SCARA3: variants seen among roughly 807,000 people sequenced by gnomAD.
SCARA3 encodes cellular stress response gene protein.
SCARA3 carries 39 observed loss-of-function variants against 47.0 expected under a neutral mutation model. The observed-to-expected ratio is 0.83, with a 90% CI of 0.64 to 1.08. SCARA3 has a LOEUF of 1.08. SCARA3 is among the 50% of genes least tolerant of loss of function. The pLI, the probability that SCARA3 is intolerant of heterozygous loss-of-function variation, is 0.00. For synonymous variants in SCARA3, 356 were observed against 334.1 expected, an observed-to-expected ratio of 1.07 and a Z score of -0.71; for missense variants, 724 against 792.3, an observed-to-expected ratio of 0.91 and a Z score of 1.04.
Position 27,658,980 on chromosome 8 carries a change from C to A in SCARA3, c.810C>A (p.Thr270=). The A allele has an allele frequency of 6.2e-7, 1 of 1,614,162 alleles. No homozygotes were observed. Among genetic ancestry groups the A allele is most frequent in the Non-Finnish European group, 8.5e-7 (1 of 1,180,032 alleles). The stretch of plus-strand genomic sequence containing the variant: ...TCAGCGGCCTGCGCACCACCTCCAC[C>A]AAGACTGGAGAGGCGGTCAAGAACA... ...RLFSGLRTTS[T]KTGEAVKNIQ... Residue 270 remains threonine, a synonymous_variant, in exon 5 of 6, where the codon ACC becomes ACA. Coordinates refer to ENST00000301904, the MANE Select transcript of SCARA3 (RefSeq NM_016240.3).
chr8:27,709,954 AAG>A, the SCARA3 span, among the ~76,000 whole-genome samples: 1 of 152,172 alleles, frequency 6.6e-6, no homozygotes, highest in Non-Finnish European at 1.5e-5. Context: ...CAGAAAATCA[AAG>A]AGAGACGCTG....
the SCARA3 span, among the ~76,000 whole-genome samples, chr8:27,715,176 T>G: frequency 1.3e-5 from 2 of 152,208 alleles, no homozygotes; most frequent in African/African-American, 2.4e-5. This position sits in a 1 kb window ranked among gnomAD's most constrained non-coding sequence, Gnocchi z 4.2. Flanking sequence ...TCCTCCCATC[T>G]TGGCCTCCCA....
chr8:27,710,242 A>C, the SCARA3 span, among the ~76,000 whole-genome samples: 1 of 152,056 alleles, frequency 6.6e-6, no homozygotes, highest in Non-Finnish European at 1.5e-5. Flanking sequence ...AAAAAAAAAA[A>C]AAAAAAAGGA....
the SCARA3 span, among the ~76,000 whole-genome samples, chr8:27,715,824 T>TAGATAGATA: frequency 5.0e-5 from 6 of 118,958 alleles, no homozygotes; most frequent in East Asian, 1.4e-3. The surrounding 1 kb of genome is among the most constrained non-coding windows in gnomAD (Gnocchi z 4.2). Flanking sequence ...GATAGATAGA[T>TAGATAGATA]GATAGATAGA....
chr8:27,676,416 G>A (rs984793196), downstream of SCARA3, among the ~76,000 whole-genome samples: 5 of 152,166 alleles, frequency 3.3e-5, no homozygotes, highest in African/African-American at 1.2e-4. Flanking sequence ...CTTCTCAAAG[G>A]AAGCCAGGTG....
At chr8:27,713,735 G>A in the SCARA3 span, among the ~76,000 whole-genome samples, 1 of 152,136 alleles carries the variant, frequency 6.6e-6, no homozygotes, top group Non-Finnish European at 1.5e-5. Context: ...TACTTTGCCT[G>A]CCCCAGCTGT....
At chr8:27,651,762 G>T in intron 3 of SCARA3, 135 bp downstream of exon 3, 2 of 1,224,762 alleles carry the variant, frequency 1.6e-6, no homozygotes, top group Admixed American at 4.6e-5. Flanking sequence ...CCTGGCTAGG[G>T]GATCTCTATG....
chr8:27,711,445 C>T, the SCARA3 span, among the ~76,000 whole-genome samples: 1 of 152,296 alleles, frequency 6.6e-6, no homozygotes, highest in Non-Finnish European at 1.5e-5. Flanking sequence ...TTCCTCTGAA[C>T]CAACCTCAGT....
chr8:27,671,430 TA>T lies in SCARA3; in HGVS notation c.*80del. On this transcript the variant is annotated 3_prime_UTR_variant, in exon 6 of 6. Transcript: ENST00000301904. ...GATCCAGGCCCCAGAAAGCCTCACC[TA>T]CAGACAGCTGTGGTCCTCTGATTCC... The T allele has an allele frequency of 3.0e-6, 4 of 1,335,046 alleles. No homozygotes were observed. Among genetic ancestry groups the T allele is most frequent in the Non-Finnish European group, 3.8e-6 (4 of 1,048,550 alleles). The allele number at this position is 1,335,046 out of a possible 1,614,324, so 82.7% of individuals were successfully genotyped here.
chr8:27,683,246 G>A, the SCARA3 span, among the ~76,000 whole-genome samples: 387 of 152,180 alleles, frequency 2.5e-3, 5 homozygotes, highest in East Asian at 0.022. Flanking sequence ...CCAATATAGC[G>A]TGGTAGAAAT....
At chr8:27,654,222 T>C (rs1265493589) in intron 3 of SCARA3, among the ~76,000 whole-genome samples, 1 of 152,216 alleles carries the variant, frequency 6.6e-6, no homozygotes, top group African/African-American at 2.4e-5. Context: ...AGGTCTTCAC[T>C]GTACAAGTCC....
At chr8:27,723,990 C>A in the SCARA3 span, among the ~76,000 whole-genome samples, 2 of 152,182 alleles carry the variant, frequency 1.3e-5, no homozygotes, top group African/African-American at 4.8e-5. Flanking sequence ...CCCGCCTCAG[C>A]CTCTCGAAGT....
At chr8:27,633,645 G>A (rs769756779), upstream of SCARA3, among the ~76,000 whole-genome samples, 138 of 152,266 alleles carry the variant, frequency 9.1e-4, no homozygotes, top group Middle Eastern at 3.4e-3. Flanking sequence ...GGACGCCGCG[G>A]GAGCCCGGGT....
intron 5 of SCARA3, among the ~76,000 whole-genome samples, chr8:27,669,368 G>A (rs2128923532): frequency 6.6e-6 from 1 of 152,364 alleles, no homozygotes; most frequent in South Asian, 2.1e-4. Context: ...CCAGGCGCCA[G>A]GAGCAGAGGT....
chr8:27,670,926 G>T lies in SCARA3; in HGVS notation c.1396G>T (p.Gly466Ter). 6.4e-7 allele frequency: 1 copy of T among 1,558,584 alleles called. No homozygotes were observed. The highest frequency in any genetic ancestry group is 8.6e-7 in the Non-Finnish European group (1 of 1,156,994). Residue 466 changes from glycine to a stop codon, truncating the protein, a stop_gained, in exon 6 of 6, where the codon GGA becomes TGA. Transcript: ENST00000301904. LOFTEE classifies it high-confidence loss of function. ...RGAPGPPGPR[G>*]FKGDMGVKGP... ...TGCCCCCGGCCCTCCAGGACCAAGA[G>T]GATTCAAAGGAGATATGGGCGTGAA...
chr8:27,678,980 G>T (rs1369270306), downstream of SCARA3, among the ~76,000 whole-genome samples: 1 of 152,174 alleles, frequency 6.6e-6, no homozygotes, highest in East Asian at 1.9e-4. Flanking sequence ...CTGAGCTCAG[G>T]AGTTCGAGAC....
upstream of SCARA3, among the ~76,000 whole-genome samples, chr8:27,633,683 G>C (rs1305221293): frequency 1.3e-5 from 2 of 152,008 alleles, no homozygotes; most frequent in African/African-American, 4.8e-5. Flanking sequence ...GGCTGCGGGG[G>C]CGCACGGGCG....
At chr8:27,682,895 C>T in the SCARA3 span, among the ~76,000 whole-genome samples, 2 of 151,912 alleles carry the variant, frequency 1.3e-5, no homozygotes, top group South Asian at 2.1e-4. Flanking sequence ...AAACAAACAC[C>T]TCTCAAATAG....
the SCARA3 span, among the ~76,000 whole-genome samples, chr8:27,719,163 G>A: frequency 6.6e-6 from 1 of 152,150 alleles, no homozygotes; most frequent in South Asian, 2.1e-4. Context: ...ATTATCCTTT[G>A]TCAGAATGAA....
Sources: allele counts gnomAD v4.1 joint callset (sites outside exome capture counted in the v4.1 genomes callset), GRCh38; gene constraint gnomAD v4.1.1; non-coding constraint Gnocchi (gnomAD v3.1); transcripts MANE v1.5; gene names NCBI Gene and HGNC (gene_info 2026-07-23, HGNC 2026-07-21).